ATF6: variants seen among roughly 807,000 people sequenced by gnomAD.
ATF6 encodes activating transcription factor 6.
A neutral mutation model predicts 83.6 loss-of-function variants in ATF6; 53 were observed. The ratio of observed to expected loss-of-function variants is 0.63; its 90% confidence interval spans 0.51 to 0.80. ATF6 has a LOEUF of 0.80. ATF6 is among the 30% of genes least tolerant of loss of function. The pLI, the probability that ATF6 is intolerant of heterozygous loss-of-function variation, is 0.00. For synonymous variants in ATF6, 288 were observed against 285.8 expected (o/e 1.01, Z -0.08); for missense variants, 744 against 797.9 (o/e 0.93, Z 0.81).
intron 14 of ATF6, among the ~76,000 whole-genome samples, chr1:161,863,833 C>T (rs1358755156): frequency 6.6e-6 from 1 of 152,154 alleles, no homozygotes; most frequent in Non-Finnish European, 1.5e-5. Context: ...GTTAGATAAT[C>T]AGTTAGCTTA....
chr1:161,817,363 A>G (rs771606163), intron 7 of ATF6, among the ~76,000 whole-genome samples: 14 of 152,226 alleles, frequency 9.2e-5, no homozygotes, highest in Admixed American at 2.0e-4. Context: ...TCAGCACTCT[A>G]GTATTAATTA....
At chr1:161,941,622 G>A (rs1688643172) in intron 15 of ATF6, among the ~76,000 whole-genome samples, 2 of 152,260 alleles carry the variant, frequency 1.3e-5, no homozygotes, top group African/African-American at 4.8e-5. Context: ...TAAACTACAT[G>A]GCGATTCTAG....
At chr1:161,779,767 G>A (rs1044334305) in intron 2 of ATF6, among the ~76,000 whole-genome samples, 2 of 151,642 alleles carry the variant, frequency 1.3e-5, no homozygotes, top group African/African-American at 2.4e-5. Flanking sequence ...AGACAGAGTC[G>A]CACTCTGTTG....
In ATF6 at chr1:161,783,993, A is replaced by G; in HGVS notation, c.251A>G (p.Lys84Arg). ...WDINNQICTV[K>R]DIKAEPQPLS... Reference sequence around the variant, plus strand: ...ACCTTTCCTCCATGTTTTCCAGTTAAAGATATTAAGGCAGAACCTCAGCCA... The same window carrying G: ...ACCTTTCCTCCATGTTTTCCAGTTAGAGATATTAAGGCAGAACCTCAGCCA... Residue 84 changes from lysine (K) to arginine (R), a missense_variant, in exon 4 of 16, where the codon AAA becomes AGA. By Grantham distance (26) the Lys-to-Arg change is conservative (BLOSUM62 2). Coordinates refer to ENST00000367942, the MANE Select transcript of ATF6 (RefSeq NM_007348.4). 6.2e-7 allele frequency: 1 copy of G among 1,607,300 alleles called. No individual in the cohort carries two copies. The highest frequency in any genetic ancestry group is 8.5e-7 in the Non-Finnish European group (1 of 1,174,294).
At position 161,796,402 on chromosome 1, in the gene ATF6, C is replaced by T. The variant is rs554629138; in HGVS notation, c.688+4075C>T. Among the ~76,000 whole-genome samples, 3 of 152,246 alleles carry T rather than the reference C, an allele frequency of 2.0e-5. No homozygotes were observed. The East Asian group carries it at 5.8e-4, about 29-fold the overall frequency. On this transcript the variant is annotated intron_variant, in intron 6 of 15. Coordinates refer to ENST00000367942, the MANE Select transcript of ATF6 (RefSeq NM_007348.4). ...ATGTAGAACATGGCTTCCTATAATA[C>T]TCTTCTCAAAGTATTGGTTTAAGTC... is the stretch of plus-strand genomic sequence containing the variant.
chr1:161,785,754 T>A (rs747640635), intron 4 of ATF6, among the ~76,000 whole-genome samples: 28 of 152,198 alleles, frequency 1.8e-4, no homozygotes, highest in Non-Finnish European at 4.0e-4. Flanking sequence ...TGAATTTTGC[T>A]AGATACTGCC....
chr1:161,791,962 G>C (rs906435299), intron 5 of ATF6, among the ~76,000 whole-genome samples, 162 bp from the exon 6 acceptor site: 4 of 152,198 alleles, frequency 2.6e-5, no homozygotes, highest in African/African-American at 9.7e-5. Context: ...CTTTTCTTCA[G>C]TTCATTCAGG....
intron 1 of ATF6, 38 bp downstream of exon 1, chr1:161,766,480 T>C (rs1571109058): frequency 1.2e-6 from 2 of 1,600,978 alleles, no homozygotes; most frequent in African/African-American, 2.7e-5. Context: ...GTGGCTCGGG[T>C]TCGCGTCTAA....
chr1:161,926,222 A>G (rs1307302703), intron 15 of ATF6, among the ~76,000 whole-genome samples: 1 of 152,228 alleles, frequency 6.6e-6, no homozygotes, highest in Non-Finnish European at 1.5e-5. Context: ...GGTAGTTCAT[A>G]TTTAAAAAAG....
intron 1 of ATF6, among the ~76,000 whole-genome samples, chr1:161,774,609 T>C (rs1456566229): frequency 6.6e-6 from 1 of 152,176 alleles, no homozygotes; most frequent in Non-Finnish European, 1.5e-5. Context: ...GAGAGAGAGA[T>C]GTGTTGACCC....
chr1:161,947,667 T>A (rs921522274), intron 15 of ATF6, among the ~76,000 whole-genome samples: 2 of 152,130 alleles, frequency 1.3e-5, no homozygotes, highest in Non-Finnish European at 2.9e-5. Context: ...GTTATCAGAG[T>A]CATAAATGTT....
chr1:161,775,835 G>A (rs1684502288), intron 1 of ATF6, among the ~76,000 whole-genome samples: 1 of 151,962 alleles, frequency 6.6e-6, no homozygotes, highest in East Asian at 1.9e-4. Flanking sequence ...CATTGCTACT[G>A]GGATGTCATT....
intron 4 of ATF6, among the ~76,000 whole-genome samples, chr1:161,786,448 C>T (rs2101734173): frequency 6.6e-6 from 1 of 151,320 alleles, no homozygotes; most frequent in Admixed American, 6.6e-5. Context: ...TTTATTTTTC[C>T]CCAGGTGTAC....
At chr1:161,889,223 G>T (rs1365963482) in intron 14 of ATF6, among the ~76,000 whole-genome samples, 1 of 152,190 alleles carries the variant, frequency 6.6e-6, no homozygotes, top group African/African-American at 2.4e-5. Context: ...AGGACTAAAG[G>T]GTTATTTCCC....
intron 9 of ATF6, among the ~76,000 whole-genome samples, chr1:161,837,899 A>G (rs1462234991): frequency 6.6e-6 from 1 of 152,234 alleles, no homozygotes; most frequent in Admixed American, 6.5e-5. Flanking sequence ...TCCTAGTGCC[A>G]TGAGGCAGGT....
At chr1:161,819,608 T>C in intron 7 of ATF6, 25 bp from the exon 8 acceptor site, 1 of 1,523,928 alleles carries the variant, frequency 6.6e-7, no homozygotes, top group Non-Finnish European at 8.8e-7. Context: ...ACCAGGGTAT[T>C]CTGATTCATT....
intron 3 of ATF6, among the ~76,000 whole-genome samples, chr1:161,782,804 A>ACTACT (rs3075494): frequency 0.9 from 137,073 of 151,914 alleles, 62,001 homozygotes; most frequent in African/African-American, 0.96. Flanking sequence ...CGTTTGACAA[A>ACTACT]CTAAATCTTA....
chr1:161,864,161 G>C (rs1255939886), intron 14 of ATF6, among the ~76,000 whole-genome samples: 1 of 151,896 alleles, frequency 6.6e-6, no homozygotes, highest in Non-Finnish European at 1.5e-5. Context: ...ATACTGAGTA[G>C]CTGGCTTTCT....
chr1:161,908,106 A>T (rs1687913013), intron 14 of ATF6, among the ~76,000 whole-genome samples: 2 of 152,268 alleles, frequency 1.3e-5, no homozygotes, highest in East Asian at 3.9e-4. Context: ...AAAAGACACA[A>T]CTCAACTAGT....
Sources: gnomAD v4.1 joint callset for allele counts (sites outside exome capture counted in the v4.1 genomes callset) on GRCh38, gnomAD v4.1.1 for gene constraint, MANE v1.5 for transcripts, NCBI Gene and HGNC (gene_info 2026-07-23, HGNC 2026-07-21) for gene names.